Variants in UHRF2 observed in about 807,000 individuals in gnomAD.
The protein encoded by UHRF2 is ubiquitin like with PHD and ring finger domains 2.
In UHRF2, 23 loss-of-function variants were observed where a neutral mutation model predicts 96.8. That is an observed-to-expected ratio of 0.24 (90% CI 0.17 to 0.34). UHRF2 has a LOEUF of 0.34. Ranked by LOEUF, UHRF2 falls within the 10% of genes least tolerant of loss-of-function variation. The pLI is 1.00. For missense variants in UHRF2, 685 were observed against 981.5 expected (o/e 0.70, Z 4.04); for synonymous variants, 385 against 332.6 (o/e 1.16, Z -1.72).
chr9:6,421,773 C>T (rs1563741325), intron 2 of UHRF2, among the ~76,000 whole-genome samples: 1 of 152,252 alleles, frequency 6.6e-6, no homozygotes, highest in East Asian at 1.9e-4. Context: ...CTCTCTGTGT[C>T]TCCCTAAGAG....
intron 2 of UHRF2, among the ~76,000 whole-genome samples, chr9:6,429,695 C>A (rs1820464587): frequency 6.6e-6 from 1 of 152,186 alleles, no homozygotes; most frequent in Admixed American, 6.5e-5. Flanking sequence ...ACAGTTGTTT[C>A]ATTTGTGTGT....
intron 2 of UHRF2, among the ~76,000 whole-genome samples, chr9:6,424,738 T>A (rs1442071544): frequency 2.0e-5 from 3 of 151,532 alleles, no homozygotes; most frequent in Non-Finnish European, 2.9e-5. Context: ...GTGTAGTTTT[T>A]AAATCTCCTT....
chr9:6,431,821 G>A (rs747813155), intron 2 of UHRF2, among the ~76,000 whole-genome samples: 2 of 152,168 alleles, frequency 1.3e-5, no homozygotes, highest in Non-Finnish European at 2.9e-5. Flanking sequence ...GTGCCGCCTC[G>A]TGTTCCTTAG....
intron 3 of UHRF2, among the ~76,000 whole-genome samples, chr9:6,451,180 T>TG (rs1821837702): frequency 6.6e-6 from 1 of 151,744 alleles, no homozygotes; most frequent in Non-Finnish European, 1.5e-5. Flanking sequence ...AAAAGTTACG[T>TG]GTTTTTTTTG....
At position 6,472,679 on chromosome 9, in the gene UHRF2, A is replaced by G. The variant is rs1823316507; in HGVS notation, c.864-2712A>G. Among the ~76,000 whole-genome samples the G allele has an allele frequency of 2.0e-5, 3 of 152,264 alleles. No homozygotes were observed. In the South Asian group the frequency reaches 6.2e-4, roughly 31 times the overall value. Reference sequence around the variant, plus strand: ...AGAAAGTATAGTATGTACTGGCTCTATGACCTGACACAGTTAGCTATATTA... The same window carrying G: ...AGAAAGTATAGTATGTACTGGCTCTGTGACCTGACACAGTTAGCTATATTA... On this transcript the variant is annotated intron_variant, in intron 4 of 15. Transcript: ENST00000276893.
intron 8 of UHRF2, among the ~76,000 whole-genome samples, chr9:6,485,411 C>T (rs143160669): frequency 6.6e-6 from 1 of 151,778 alleles, no homozygotes; most frequent in African/African-American, 2.4e-5. Context: ...GGTTGTTTTC[C>T]TGAGCATCTA....
At chr9:6,425,914 T>C (rs1459736513) in intron 2 of UHRF2, among the ~76,000 whole-genome samples, 1 of 152,278 alleles carries the variant, frequency 6.6e-6, no homozygotes, top group African/African-American at 2.4e-5. Flanking sequence ...TGAATATTTA[T>C]GTAACTATCT....
chr9:6,484,073 C>CTTT (rs1002624016), intron 8 of UHRF2, among the ~76,000 whole-genome samples: 2 of 135,646 alleles, frequency 1.5e-5, no homozygotes, highest in African/African-American at 5.4e-5. Context: ...TTCTTTCTTT[C>CTTT]TTTTTTTTTT....
chr9:6,418,419 T>A (rs1011341493), intron 1 of UHRF2, among the ~76,000 whole-genome samples: 20 of 152,278 alleles, frequency 1.3e-4, no homozygotes, highest in African/African-American at 4.8e-4. Context: ...CTGGGAAACT[T>A]GTGAAATTCT....
chr9:6,499,733 G>A lies in UHRF2; in HGVS notation c.1909-102G>A, dbSNP rs537974830. ...TGTAAAGTTTTTCAGTTTGGGGAAC[G>A]TGTAGTCTTCCCCTCCCTTTTAATT... On this transcript the variant is annotated intron_variant, in intron 12 of 15. Transcript: ENST00000276893. 50 of 615,476 alleles carry A rather than the reference G, an allele frequency of 8.1e-5. 1 individual carries two copies. Among genetic ancestry groups the A allele is most frequent in the Non-Finnish European group, 4.9e-5 (18 of 368,916 alleles). 38.1% of individuals were successfully genotyped at this position (615,476 alleles called of 1,614,324 possible).
intron 3 of UHRF2, among the ~76,000 whole-genome samples, chr9:6,442,309 A>G (rs891872794): frequency 5.9e-5 from 9 of 152,242 alleles, no homozygotes; most frequent in African/African-American, 1.7e-4. Context: ...GGATTGAAAT[A>G]GATGTCAGAT....
At chr9:6,449,212 C>G (rs1265791030) in intron 3 of UHRF2, 3 of 152,230 alleles carry the variant, frequency 2.0e-5, no homozygotes, top group Non-Finnish European at 4.4e-5. Context: ...ACAGCACTTT[C>G]TAACTCTGCC....
At chr9:6,440,934 T>A (rs772537973) in intron 3 of UHRF2, among the ~76,000 whole-genome samples, 2 of 152,220 alleles carry the variant, frequency 1.3e-5, no homozygotes, top group Non-Finnish European at 2.9e-5. Context: ...ATTCTAATCA[T>A]TCCCTGTGAT....
rs747751105 is a variant in UHRF2, at chr9:6,434,008, G to A, written c.479G>A (p.Arg160His). ...SVTRASDGQSRGKTPLKNGSS... is the reference protein window; with the variant it reads ...SVTRASDGQSHGKTPLKNGSS... ...ACTAGAGCTTCTGATGGACAGTCAC[G>A]TGGCAAAACTCCACTGAAGAATGGC... The change falls in exon 3 of 16, where the codon CGT becomes CAT. Residue 160 changes from arginine to histidine, a missense_variant. This residue lies in a region of UHRF2 where 391 missense variants were observed against 437.0 expected (regional missense o/e 0.89). Transcript: ENST00000276893. 3.7e-6 allele frequency: 6 copies of A among 1,614,084 alleles called. No homozygotes were observed. Among genetic ancestry groups the A allele is most frequent in the Non-Finnish European group, 5.1e-6 (6 of 1,180,022 alleles).
chr9:6,490,045 A>G (rs1824566697), intron 9 of UHRF2, among the ~76,000 whole-genome samples: 1 of 152,202 alleles, frequency 6.6e-6, no homozygotes, highest in South Asian at 2.1e-4. Flanking sequence ...ATAGTTTATT[A>G]CAGTCAGCTC....
chr9:6,422,642 C>T (rs928120812), intron 2 of UHRF2: 2 of 650,168 alleles, frequency 3.1e-6, no homozygotes, highest in African/African-American at 1.8e-5. Flanking sequence ...CAGGGTCTGG[C>T]TCTGTCACCC....
At chr9:6,492,047 A>C (rs1824693286) in intron 9 of UHRF2, among the ~76,000 whole-genome samples, 1 of 152,106 alleles carries the variant, frequency 6.6e-6, no homozygotes, top group South Asian at 2.1e-4. Flanking sequence ...CATAGGAAAA[A>C]TAGCCTGAAA....
chr9:6,436,332 A>T (rs1820847932), intron 3 of UHRF2, among the ~76,000 whole-genome samples: 1 of 152,204 alleles, frequency 6.6e-6, no homozygotes, highest in Admixed American at 6.5e-5. Flanking sequence ...TAATAGTACC[A>T]ACGATTATCT....
In UHRF2 at chr9:6,420,994, A is replaced by G; in HGVS notation, c.236A>G (p.His79Arg). The G allele has an allele frequency of 6.2e-7, 1 of 1,613,916 alleles. No homozygotes were observed. The highest frequency in any genetic ancestry group is 8.5e-7 in the Non-Finnish European group (1 of 1,179,976). Residue 79 changes from histidine to arginine, a missense_variant, in exon 2 of 16, where the codon CAT becomes CGT. By Grantham distance (29) the His-to-Arg change is conservative. Transcript: ENST00000276893. ...CTGCTAGTTCGCCCAGACCCTGATC[A>G]TCTTCCTGGCACATCTACACAGATT... The part of the protein sequence containing the change: ...IQLLVRPDPD[H>R]LPGTSTQIEA...
Sources: gnomAD v4.1 joint callset for allele counts (sites outside exome capture counted in the v4.1 genomes callset) on GRCh38, gnomAD v4.1.1 for gene constraint, gnomAD v4.1.1 regional missense constraint, MANE v1.5 for transcripts, NCBI Gene and HGNC (gene_info 2026-07-23, HGNC 2026-07-21) for gene names.